Variants in SBF2 observed in about 807,000 individuals in gnomAD.
SBF2 encodes myotubularin-related protein 13.
A neutral mutation model predicts 225.2 loss-of-function variants in SBF2; 112 were observed. That is an observed-to-expected ratio of 0.50 (90% CI 0.43 to 0.58). The LOEUF is 0.58. SBF2 is among the 20% of genes least tolerant of loss of function. The pLI is 0.00. For missense variants in SBF2, 1,996 were observed against 2,206.2 expected (o/e 0.90, Z 1.91); for synonymous variants, 763 against 773.3 (o/e 0.99, Z 0.22).
chr11:9,867,940 T>C (rs943205145), intron 17 of SBF2, among the ~76,000 whole-genome samples: 3 of 152,178 alleles, frequency 2.0e-5, no homozygotes, highest in Non-Finnish European at 2.9e-5. Context: ...GTTCTAGTGT[T>C]TGACAGCACA....
At chr11:9,925,782 T>A (rs1392807714) in intron 16 of SBF2, among the ~76,000 whole-genome samples, 1 of 152,206 alleles carries the variant, frequency 6.6e-6, no homozygotes, top group African/African-American at 2.4e-5. Flanking sequence ...ATAGAAAGTG[T>A]GATTTTCTAT....
intron 3 of SBF2, among the ~76,000 whole-genome samples, chr11:10,040,088 G>A (rs1011059769): frequency 7.9e-5 from 12 of 151,970 alleles, no homozygotes; most frequent in Admixed American, 7.2e-4. Flanking sequence ...AATTGCTATA[G>A]GCAAGAATCA....
chr11:10,025,087 A>G (rs1407878993), intron 6 of SBF2, among the ~76,000 whole-genome samples: 2 of 151,876 alleles, frequency 1.3e-5, no homozygotes, highest in African/African-American at 4.8e-5. Flanking sequence ...CATTTCTTTC[A>G]TATAGTTTTG....
At position 9,781,566 on chromosome 11, in the gene SBF2, T is replaced by G. The variant is rs1296776428; in HGVS notation, c.5392A>C (p.Ile1798Leu). The G allele has an allele frequency of 1.2e-6, 2 of 1,614,238 alleles. No homozygotes were observed. The highest frequency in any genetic ancestry group is 1.7e-5 in the Admixed American group (1 of 60,030). ...HIDLAEVEMVIPAGPSMGAPK... is the reference protein window; with the variant it reads ...HIDLAEVEMVLPAGPSMGAPK... ...GCTCCCATGCTGGGGCCAGCAGGGA[T>G]GACCATTTCTACTTCAGCCAGATCA... The change falls in exon 39 of 40, where the codon ATC becomes CTC. Residue 1798 changes from isoleucine to leucine, a missense_variant. By Grantham distance (5) the Ile-to-Leu change is conservative. Coordinates refer to ENST00000256190, the MANE Select transcript of SBF2 (RefSeq NM_030962.4).
At chr11:10,225,348 G>C (rs1458941640) in intron 1 of SBF2, among the ~76,000 whole-genome samples, 1 of 151,224 alleles carries the variant, frequency 6.6e-6, no homozygotes, top group Non-Finnish European at 1.5e-5. Flanking sequence ...ATGAAATTAT[G>C]CCAGATAAAT....
chr11:10,300,063 C>A (rs1964579935), intron 1 of SBF2, among the ~76,000 whole-genome samples: 1 of 152,204 alleles, frequency 6.6e-6, no homozygotes, highest in East Asian at 1.9e-4. Context: ...GTACCAAGTT[C>A]TTTCCCATCT....
At chr11:9,817,068 G>T (rs1209943548) in intron 28 of SBF2, 44 bp from the exon 29 acceptor site, 11 of 1,603,402 alleles carry the variant, frequency 6.9e-6, no homozygotes, top group African/African-American at 1.3e-5. Flanking sequence ...TCTAATGTGG[G>T]AATGCCACTA....
At chr11:10,042,035 G>A (rs1221397871) in intron 3 of SBF2, among the ~76,000 whole-genome samples, 3 of 152,172 alleles carry the variant, frequency 2.0e-5, no homozygotes, top group African/African-American at 7.2e-5. Context: ...GAAGTCAGCA[G>A]TATGAGACTA....
chr11:9,947,777 A>T (rs1590571521), intron 16 of SBF2, among the ~76,000 whole-genome samples: 1 of 124,762 alleles, frequency 8.0e-6, no homozygotes, highest in African/African-American at 3.1e-5. Context: ...GGCTACTATT[A>T]AAAAAAAAAA....
chr11:10,134,944 G>A lies in SBF2; in HGVS notation c.141+58958C>T, dbSNP rs570338478. On this transcript the variant is annotated intron_variant, in intron 2 of 39. Coordinates refer to ENST00000256190, the MANE Select transcript of SBF2 (RefSeq NM_030962.4). ...AGCCCAGTGGGGACTCTGTATGGGG[G>A]CTTCAACCCCACGTTTCCCTTTTGC... Among the ~76,000 whole-genome samples the A allele has an allele frequency of 2.6e-5, 4 of 152,328 alleles. No individual in the cohort carries two copies. In the East Asian group the frequency reaches 5.8e-4, roughly 22 times the overall value.
chr11:10,235,457 G>C (rs544363751), intron 1 of SBF2, among the ~76,000 whole-genome samples: 1 of 151,798 alleles, frequency 6.6e-6, no homozygotes, highest in Non-Finnish European at 1.5e-5. Context: ...AACCCGGGAG[G>C]GAGAGGTTGC....
chr11:10,268,473 A>G (rs974197038), intron 1 of SBF2, among the ~76,000 whole-genome samples: 1 of 152,228 alleles, frequency 6.6e-6, no homozygotes, highest in African/African-American at 2.4e-5. Flanking sequence ...ACAAAAAGCT[A>G]CAATGGATCA....
At chr11:9,902,315 C>G (rs1317450225) in intron 16 of SBF2, among the ~76,000 whole-genome samples, 1 of 152,228 alleles carries the variant, frequency 6.6e-6, no homozygotes, top group African/African-American at 2.4e-5. Context: ...TTCTACTCTA[C>G]TGACATCAAG....
Position 9,853,645 on chromosome 11 carries a change from T to C in SBF2, c.2431A>G (p.Ile811Val), listed in dbSNP as rs764765082. Reference protein sequence around the residue: ...SGFEDSENTDIANSVVRFITR... With the variant: ...SGFEDSENTDVANSVVRFITR... ...ATGAACCGCACAACAGAATTGGCAA[T>C]GTCAGTATTCTCTGAATCTTCAAAC... The change falls in exon 20 of 40, where the codon ATT becomes GTT. Residue 811 changes from isoleucine (I) to valine (V), a missense_variant. Ile to Val is a conservative substitution (Grantham distance 29, BLOSUM62 3). Coordinates refer to ENST00000256190, the MANE Select transcript of SBF2 (RefSeq NM_030962.4). The C allele has an allele frequency of 3.7e-6, 6 of 1,613,844 alleles. No individual in the cohort carries two copies. The highest frequency in any genetic ancestry group is 5.1e-6 in the Non-Finnish European group (6 of 1,179,882).
chr11:10,225,879 C>A (rs960785086), intron 1 of SBF2, among the ~76,000 whole-genome samples: 4 of 151,978 alleles, frequency 2.6e-5, no homozygotes, highest in African/African-American at 9.7e-5. Flanking sequence ...ACTCATATAC[C>A]CCACAGTTTG....
At chr11:10,071,586 G>C (rs1004303550) in intron 2 of SBF2, among the ~76,000 whole-genome samples, 13 of 152,112 alleles carry the variant, frequency 8.5e-5, no homozygotes, top group African/African-American at 3.1e-4. Context: ...TTTTCAAAGG[G>C]AATGCTTCCA....
At chr11:10,257,744 C>G (rs1960996130) in intron 1 of SBF2, among the ~76,000 whole-genome samples, 1 of 149,398 alleles carries the variant, frequency 6.7e-6, no homozygotes, top group Admixed American at 6.7e-5. Flanking sequence ...CGCCTATAAT[C>G]CCAGCACTTT....
chr11:9,914,246 G>A (rs567976088), intron 16 of SBF2, among the ~76,000 whole-genome samples: 15 of 152,198 alleles, frequency 9.9e-5, no homozygotes, highest in South Asian at 8.3e-4. Flanking sequence ...GTAGAAAGAT[G>A]GAAATTCCTA....
chr11:10,102,741 T>C (rs1952363803), intron 2 of SBF2, among the ~76,000 whole-genome samples: 1 of 152,208 alleles, frequency 6.6e-6, no homozygotes, highest in Admixed American at 6.5e-5. Context: ...AGCACACTGA[T>C]ATGGGGCCAC....
Sources: allele counts gnomAD v4.1 joint callset (sites outside exome capture counted in the v4.1 genomes callset), GRCh38; gene constraint gnomAD v4.1.1; transcripts MANE v1.5; gene names NCBI Gene and HGNC (gene_info 2026-07-23, HGNC 2026-07-21).